The following C1orf56 variants were observed in gnomAD, a reference collection of about 807,000 sequenced individuals.
The protein encoded by C1orf56 is chromosome 1 open reading frame 56.
In C1orf56, 14 loss-of-function variants were observed where a neutral mutation model predicts 20.7. The observed-to-expected ratio is 0.68, with a 90% CI of 0.45 to 1.06. The LOEUF (loss-of-function observed/expected upper bound fraction) is 1.06. Among genes scored for constraint, C1orf56 ranks in the 50% least tolerant of loss-of-function variants. The pLI is 0.00. For missense variants in C1orf56, 424 were observed against 451.4 expected, an observed-to-expected ratio of 0.94 and a Z score of 0.55; for synonymous variants, 187 against 194.7, an observed-to-expected ratio of 0.96 and a Z score of 0.33.
chr1:151,050,270 T>C (rs1676148157), intron 1 of C1orf56, among the ~76,000 whole-genome samples, 168 bp from the exon 2 acceptor site: 1 of 152,236 alleles, frequency 6.6e-6, no homozygotes, highest in African/African-American at 2.4e-5. Flanking sequence ...TGTTTCTGTT[T>C]TTCTCCTTGT....
rs923893255 is a variant in C1orf56, at chr1:151,048,093, T to G, written c.246T>G (p.Ala82=). 6.2e-7 allele frequency: 1 copy of G among 1,613,544 alleles called. No individual in the cohort carries two copies. The highest frequency in any genetic ancestry group is 8.5e-7 in the Non-Finnish European group (1 of 1,180,012). ...ADADRLAGPA[A]AELLAATVST... ...CCGACCGCCTGGCTGGACCAGCGGCTGCCGAGCTCTTGGCCGCCACGGTGT... is the reference window on the plus strand; with the variant it reads ...CCGACCGCCTGGCTGGACCAGCGGCGGCCGAGCTCTTGGCCGCCACGGTGT... Residue 82 remains alanine, a synonymous_variant, in exon 1 of 2, where the codon GCT becomes GCG. Transcript: ENST00000368926. This position sits in a 1 kb window ranked among gnomAD's most constrained non-coding sequence, Gnocchi z 4.8.
In C1orf56 at chr1:151,048,535, T is replaced by C; in HGVS notation, c.688T>C (p.Ser230Pro). 1 of 1,613,552 alleles carries C rather than the reference T, an allele frequency of 6.2e-7. No homozygotes were observed. The highest frequency in any genetic ancestry group is 8.5e-7 in the Non-Finnish European group (1 of 1,180,024). ...CCGGTCTGGGAAGCTGCACGGCCTT[T>C]CCGGGCGCCTTCGAGTTGGGGCGCT... ...RSRSGKLHGLSGRLRVGALSQ... is the reference protein window; with the variant it reads ...RSRSGKLHGLPGRLRVGALSQ... Residue 230 changes from serine to proline, a missense_variant, in exon 1 of 2, where the codon TCC becomes CCC. Coordinates refer to ENST00000368926, the MANE Select transcript of C1orf56 (RefSeq NM_017860.5). This position sits in a 1 kb window ranked among gnomAD's most constrained non-coding sequence, Gnocchi z 4.8.
chr1:151,050,030 G>C (rs1282475719), intron 1 of C1orf56, among the ~76,000 whole-genome samples: 2 of 152,228 alleles, frequency 1.3e-5, no homozygotes, highest in Non-Finnish European at 2.9e-5. Context: ...GGTTTACAAA[G>C]CTAGTAAGTG....
rs747113567 is a variant in C1orf56, at chr1:151,048,097, G to T, written c.250G>T (p.Glu84Ter). 12 of 1,613,430 alleles carry T rather than the reference G, an allele frequency of 7.4e-6. No homozygotes were observed. Among genetic ancestry groups the T allele is most frequent in the South Asian group, 2.2e-5 (2 of 91,076 alleles). Reference protein sequence around the residue: ...ADRLAGPAAAELLAATVSTGF... With the variant: ...ADRLAGPAAA ...CCGCCTGGCTGGACCAGCGGCTGCCGAGCTCTTGGCCGCCACGGTGTCCAC... is the reference window on the plus strand; with the variant it reads ...CCGCCTGGCTGGACCAGCGGCTGCCTAGCTCTTGGCCGCCACGGTGTCCAC... Residue 84 changes from glutamate to a stop codon, truncating the protein, a stop_gained, in exon 1 of 2, where the codon GAG becomes TAG. Coordinates refer to ENST00000368926, the MANE Select transcript of C1orf56 (RefSeq NM_017860.5). LOFTEE classifies it high-confidence loss of function. This position sits in a 1 kb window ranked among gnomAD's most constrained non-coding sequence, Gnocchi z 4.8.
Position 151,048,069 on chromosome 1 carries a change from C to T in C1orf56, c.222C>T (p.Ala74=). Residue 74 remains alanine (A), a synonymous_variant, in exon 1 of 2, where the codon GCC becomes GCT. Coordinates refer to ENST00000368926, the MANE Select transcript of C1orf56 (RefSeq NM_017860.5). The surrounding 1 kb of genome is among the most constrained non-coding windows in gnomAD (Gnocchi z 4.8). The part of the protein sequence containing the change: ...LEDENDAMAD[A]DRLAGPAAAE... ...ACGAGAATGATGCCATGGCCGACGC[C>T]GACCGCCTGGCTGGACCAGCGGCTG... is the stretch of plus-strand genomic sequence containing the variant. The T allele has an allele frequency of 6.2e-7, 1 of 1,614,092 alleles. No individual in the cohort carries two copies.
chr1:151,048,690 T>C lies in C1orf56; in HGVS notation c.843T>C (p.Ser281=). 6.2e-7 allele frequency: 1 copy of C among 1,611,848 alleles called. No homozygotes were observed. The highest frequency in any genetic ancestry group is 1.1e-5 in the South Asian group (1 of 90,724). ...ACTGTGCCTCTCAGAGCACCACCAG[T>C]ACCAGGACCACCACTACCCCCTTCC... is the stretch of plus-strand genomic sequence containing the variant. The part of the protein sequence containing the change: ...DTNCASQSTT[S]TRTTTTPFPT... The change falls in exon 1 of 2, where the codon AGT becomes AGC. Residue 281 remains serine (S), a synonymous_variant. Coordinates refer to ENST00000368926, the MANE Select transcript of C1orf56 (RefSeq NM_017860.5). This position sits in a 1 kb window ranked among gnomAD's most constrained non-coding sequence, Gnocchi z 4.8.
chr1:151,047,949 G>A lies in C1orf56; in HGVS notation c.102G>A (p.Gln34=), dbSNP rs201229901. Residue 34 remains glutamine (Q), a synonymous_variant, in exon 1 of 2, where the codon CAG becomes CAA. Transcript: ENST00000368926. Reference sequence around the variant, plus strand: ...TGACCCAGACTCCGACCGAAATGCAGCGGGTCAGTTTACGCTTTGGGGGCC... The same window carrying A: ...TGACCCAGACTCCGACCGAAATGCAACGGGTCAGTTTACGCTTTGGGGGCC... ...QGLTQTPTEM[Q]RVSLRFGGPM... is the part of the protein sequence containing the mutation. The A allele has an allele frequency of 2.0e-4, 323 of 1,613,398 alleles. 1 individual carries two copies. Among genetic ancestry groups the A allele is most frequent in the Non-Finnish European group, 2.5e-4 (292 of 1,179,944 alleles).
chr1:151,048,168 A>C lies in C1orf56; in HGVS notation c.321A>C (p.Ser107=). Residue 107 remains serine (S), a synonymous_variant, in exon 1 of 2, where the codon TCA becomes TCC. Coordinates refer to ENST00000368926, the MANE Select transcript of C1orf56 (RefSeq NM_017860.5). This position sits in a 1 kb window ranked among gnomAD's most constrained non-coding sequence, Gnocchi z 4.8. ...SSAINEEDGS[S]EEGVVINAGK... ...CCATTAACGAGGAGGATGGGTCTTC[A>C]GAAGAGGGGGTTGTGATTAATGCCG... 2 of 1,614,154 alleles carry C rather than the reference A, an allele frequency of 1.2e-6. No individual in the cohort carries two copies. The highest frequency in any genetic ancestry group is 3.3e-5 in the Admixed American group (2 of 60,022).
chr1:151,048,481 C>T lies in C1orf56; in HGVS notation c.634C>T (p.His212Tyr), dbSNP rs1392334318. The change falls in exon 1 of 2, where the codon CAC (histidine) becomes TAC (tyrosine). Residue 212 changes from histidine to tyrosine, a missense_variant. Physicochemically the swap from His to Tyr is moderately conservative, Grantham distance 83. Coordinates refer to ENST00000368926, the MANE Select transcript of C1orf56 (RefSeq NM_017860.5). The surrounding 1 kb of genome is among the most constrained non-coding windows in gnomAD (Gnocchi z 4.8). ...VLMPWGPWHC[H>Y]CKSGTMSRSR... The stretch of plus-strand genomic sequence containing the variant: ...GATGCCCTGGGGCCCGTGGCACTGC[C>T]ACTGCAAGTCGGGCACCATGAGCCG... 1.2e-6 allele frequency: 2 copies of T among 1,609,188 alleles called. No individual in the cohort carries two copies. Among genetic ancestry groups the T allele is most frequent in the Non-Finnish European group, 1.7e-6 (2 of 1,179,912 alleles).
rs1239508464 is a variant in C1orf56, at chr1:151,050,570, T to C, written c.*112T>C. The C allele has an allele frequency of 9.3e-7, 1 of 1,073,624 alleles. No individual in the cohort carries two copies. The highest frequency in any genetic ancestry group is 1.4e-6 in the Non-Finnish European group (1 of 733,698). 66.5% of individuals were successfully genotyped at this position (1,073,624 alleles called of 1,614,324 possible). A position where few individuals can be genotyped will look rare whatever the true frequency, so the allele number is the denominator to read the frequency against. On this transcript the variant is annotated 3_prime_UTR_variant, in exon 2 of 2. Coordinates refer to ENST00000368926, the MANE Select transcript of C1orf56 (RefSeq NM_017860.5). The stretch of plus-strand genomic sequence containing the variant: ...AGAAAAACAAAACTGGAAAACACAT[T>C]GTTTGGTCTTGTGTTTCTTTACAGA...
chr1:151,047,981 C>T lies in C1orf56; in HGVS notation c.134C>T (p.Thr45Ile). ...AGTTTACGCTTTGGGGGCCCCATGA[C>T]CCGCAGCTACCGGAGCACCGCCCGG... The part of the protein sequence containing the change: ...RVSLRFGGPM[T>I]RSYRSTARTG... The change falls in exon 1 of 2, where the codon ACC becomes ATC. Residue 45 changes from threonine to isoleucine, a missense_variant. By Grantham distance (89) the Thr-to-Ile change is moderately conservative. Transcript: ENST00000368926. 1.2e-6 allele frequency: 2 copies of T among 1,613,946 alleles called. No homozygotes were observed. The highest frequency in any genetic ancestry group is 8.5e-7 in the Non-Finnish European group (1 of 1,179,996).
Position 151,048,321 on chromosome 1 carries a change from C to G in C1orf56, c.474C>G (p.Pro158=). 6.2e-7 allele frequency: 1 copy of G among 1,614,140 alleles called. No individual in the cohort carries two copies. ...TGACTTCAAGCCTGCCGCGCTCCCC[C>G]GGGAGGTCTACTGAGGACCTGCCAG... The part of the protein sequence containing the change: ...IRLTSSLPRS[P]GRSTEDLPGS... Residue 158 remains proline (P), a synonymous_variant, in exon 1 of 2, where the codon CCC becomes CCG. Coordinates refer to ENST00000368926, the MANE Select transcript of C1orf56 (RefSeq NM_017860.5). This position sits in a 1 kb window ranked among gnomAD's most constrained non-coding sequence, Gnocchi z 4.8.
Position 151,048,144 on chromosome 1 carries a change from C to T in C1orf56, c.297C>T (p.Ala99=). The T allele has an allele frequency of 6.2e-7, 1 of 1,614,066 alleles. No homozygotes were observed. Among genetic ancestry groups the T allele is most frequent in the Non-Finnish European group, 8.5e-7 (1 of 1,180,024 alleles). The stretch of plus-strand genomic sequence containing the variant: ...CCACCGGCTTTAGCCGGTCGTCCGC[C>T]ATTAACGAGGAGGATGGGTCTTCAG... ...TVSTGFSRSS[A]INEEDGSSEE... Residue 99 remains alanine, a synonymous_variant, in exon 1 of 2, where the codon GCC becomes GCT. Coordinates refer to ENST00000368926, the MANE Select transcript of C1orf56 (RefSeq NM_017860.5). The surrounding 1 kb of genome is among the most constrained non-coding windows in gnomAD (Gnocchi z 4.8).
chr1:151,047,765 G>A lies in C1orf56; in HGVS notation c.-83G>A. 1 of 1,436,326 alleles carries A rather than the reference G, an allele frequency of 7.0e-7. No homozygotes were observed. The highest frequency in any genetic ancestry group is 9.1e-7 in the Non-Finnish European group (1 of 1,100,060). The allele number at this position is 1,436,326 out of a possible 1,614,324, so 89.0% of individuals were successfully genotyped here. On this transcript the variant is annotated 5_prime_UTR_variant, in exon 1 of 2. Coordinates refer to ENST00000368926, the MANE Select transcript of C1orf56 (RefSeq NM_017860.5). ...GGCCTCGGTTCAAACGACCCGGTGGGTCTACAGCGGAAGGGAGGGAGCGAA... is the reference window on the plus strand; with the variant it reads ...GGCCTCGGTTCAAACGACCCGGTGGATCTACAGCGGAAGGGAGGGAGCGAA...
rs765109309 is a variant in C1orf56, at chr1:151,048,544, CTTCGAGTTGGGGCGCT to C, written c.698_713del (p.Leu233ArgfsTer99). Reference sequence around the variant, plus strand: ...GAAGCTGCACGGCCTTTCCGGGCGCCTTCGAGTTGGGGCGCTGAGCCAGCTCCGCACGGAGCACAAG... The same window carrying C: ...GAAGCTGCACGGCCTTTCCGGGCGCCGAGCCAGCTCCGCACGGAGCACAAG... On this transcript the variant is annotated frameshift_variant, in exon 1 of 2. Transcript: ENST00000368926. LOFTEE classifies it high-confidence loss of function. This position sits in a 1 kb window ranked among gnomAD's most constrained non-coding sequence, Gnocchi z 4.8. 2.5e-6 allele frequency: 4 copies of C among 1,613,874 alleles called. No individual in the cohort carries two copies. The South Asian group carries it at 4.4e-5, about 18-fold the overall frequency.
In C1orf56 at chr1:151,050,528, C is replaced by A; in HGVS notation, c.*70C>A. ...CTTGCCCTTTCAATCCTAGCACCCA[C>A]TAGATATTTTTAGTACAGAAAAACA... On this transcript the variant is annotated 3_prime_UTR_variant, in exon 2 of 2. Coordinates refer to ENST00000368926, the MANE Select transcript of C1orf56 (RefSeq NM_017860.5). 1.4e-6 allele frequency: 2 copies of A among 1,455,260 alleles called. No homozygotes were observed. The highest frequency in any genetic ancestry group is 1.9e-6 in the Non-Finnish European group (2 of 1,067,300). The allele number at this position is 1,455,260 out of a possible 1,614,324, so 90.1% of individuals were successfully genotyped here.
Position 151,048,924 on chromosome 1 carries a change from C to T in C1orf56, c.1005+72C>T, listed in dbSNP as rs1487122778. 25 of 1,501,054 alleles carry T rather than the reference C, an allele frequency of 1.7e-5. No individual in the cohort carries two copies. In the Admixed American group the frequency reaches 5.8e-4, roughly 35 times the overall value. 93.0% of individuals were successfully genotyped at this position (1,501,054 alleles called of 1,614,324 possible). ...AGTCCTGGTATCTAAAACCCAGTTGCTAAGCCAGCCAGTGTTGCTTACATG... is the reference window on the plus strand; with the variant it reads ...AGTCCTGGTATCTAAAACCCAGTTGTTAAGCCAGCCAGTGTTGCTTACATG... On this transcript the variant is annotated intron_variant, in intron 1 of 1. Transcript: ENST00000368926. The surrounding 1 kb of genome is among the most constrained non-coding windows in gnomAD (Gnocchi z 4.8).
Position 151,050,837 on chromosome 1 carries a change from G to T in C1orf56, c.*379G>T. 1 of 180,382 alleles carries T rather than the reference G, an allele frequency of 5.5e-6. No individual in the cohort carries two copies. The highest frequency in any genetic ancestry group is 1.2e-5 in the Non-Finnish European group (1 of 86,674). 11.2% of individuals were successfully genotyped at this position (180,382 alleles called of 1,614,324 possible). On this transcript the variant is annotated 3_prime_UTR_variant, in exon 2 of 2. Coordinates refer to ENST00000368926, the MANE Select transcript of C1orf56 (RefSeq NM_017860.5). ...AGTTGAGCCCTTGAAAGATGACAGTGGTCTTCTTGCCTTCATGCTTGGCCC... is the reference window on the plus strand; with the variant it reads ...AGTTGAGCCCTTGAAAGATGACAGTTGTCTTCTTGCCTTCATGCTTGGCCC...
At position 151,047,782 on chromosome 1, in the gene C1orf56, G is replaced by A; in HGVS notation, c.-66G>A. On this transcript the variant is annotated 5_prime_UTR_variant, in exon 1 of 2. Coordinates refer to ENST00000368926, the MANE Select transcript of C1orf56 (RefSeq NM_017860.5). ...CCCGGTGGGTCTACAGCGGAAGGGA[G>A]GGAGCGAAGGTAGGAGGCAGGGCTT... 1 of 1,446,704 alleles carries A rather than the reference G, an allele frequency of 6.9e-7. No homozygotes were observed. Among genetic ancestry groups the A allele is most frequent in the Non-Finnish European group, 9.0e-7 (1 of 1,104,994 alleles). The allele number at this position is 1,446,704 out of a possible 1,614,324, so 89.6% of individuals were successfully genotyped here. A position where few individuals can be genotyped will look rare whatever the true frequency, so the allele number is the denominator to read the frequency against.
Sources: gnomAD v4.1 joint callset for allele counts (sites outside exome capture counted in the v4.1 genomes callset) on GRCh38, gnomAD v4.1.1 for gene constraint, Gnocchi (gnomAD v3.1) non-coding constraint, MANE v1.5 for transcripts, NCBI Gene and HGNC (gene_info 2026-07-23, HGNC 2026-07-21) for gene names.